PARD3: variants seen among roughly 807,000 people sequenced by gnomAD.
PARD3 encodes partitioning defective 3 homolog.
A neutral mutation model predicts 155.4 loss-of-function variants in PARD3; 75 were observed. That is an observed-to-expected ratio of 0.48 (90% confidence interval 0.40 to 0.58). The LOEUF (loss-of-function observed/expected upper bound fraction) is 0.58, where lower values mean the gene tolerates loss of function less well. PARD3 is among the 20% of genes least tolerant of loss of function. The pLI, the probability that PARD3 is intolerant of heterozygous loss-of-function variation, is 0.00. For missense variants in PARD3, 1,642 were observed against 1,721.7 expected (o/e 0.95, Z 0.82); for synonymous variants, 576 against 610.5 (o/e 0.94, Z 0.83).
chr10:34,662,991 A>C (rs932323984), intron 2 of PARD3, among the ~76,000 whole-genome samples: 1 of 152,146 alleles, frequency 6.6e-6, no homozygotes, highest in African/African-American at 2.4e-5. Context: ...AAAACAACTG[A>C]AATCATGGAA....
chr10:34,322,422 G>A (rs1305831090), intron 19 of PARD3, among the ~76,000 whole-genome samples: 2 of 152,162 alleles, frequency 1.3e-5, no homozygotes, highest in Admixed American at 6.5e-5. Context: ...CTTATTGTTT[G>A]AGTTGGTCTG....
intron 2 of PARD3, among the ~76,000 whole-genome samples, chr10:34,636,077 GGA>G: frequency 6.6e-6 from 1 of 151,746 alleles, no homozygotes. Context: ...AAGGAAGGAA[GGA>G]AGAAGGAAGA....
At chr10:34,350,566 G>A (rs1466176831) in intron 14 of PARD3, among the ~76,000 whole-genome samples, 1 of 148,296 alleles carries the variant, frequency 6.7e-6, no homozygotes, top group Non-Finnish European at 1.5e-5. Flanking sequence ...CCAGGAGGCA[G>A]AGGTTGCAGT....
At chr10:34,255,599 G>A (rs1021747217) in intron 22 of PARD3, among the ~76,000 whole-genome samples, 4 of 152,150 alleles carry the variant, frequency 2.6e-5, no homozygotes, top group African/African-American at 9.7e-5. Context: ...TCTGTTAGGT[G>A]GTTGTCATGC....
chr10:34,701,361 T>TGTTGTG (rs1832351061), intron 1 of PARD3, among the ~76,000 whole-genome samples: 1 of 151,668 alleles, frequency 6.6e-6, no homozygotes, highest in Non-Finnish European at 1.5e-5. Flanking sequence ...TTGTTGTTGT[T>TGTTGTG]GTTGTTGTTG....
chr10:34,361,634 A>C (rs1205935655), intron 12 of PARD3, among the ~76,000 whole-genome samples: 1 of 152,242 alleles, frequency 6.6e-6, no homozygotes, highest in Non-Finnish European at 1.5e-5. Flanking sequence ...ACTATCTGTA[A>C]GTGAATTTTT....
chr10:34,654,823 A>G (rs919501224), intron 2 of PARD3, among the ~76,000 whole-genome samples: 7 of 152,170 alleles, frequency 4.6e-5, no homozygotes, highest in African/African-American at 1.7e-4. Context: ...ATCAATGTCC[A>G]AAACAATTTT....
chr10:34,790,949 G>C (rs535652789), intron 1 of PARD3, among the ~76,000 whole-genome samples: 1 of 152,212 alleles, frequency 6.6e-6, no homozygotes, highest in East Asian at 1.9e-4. Flanking sequence ...ACAGGGAAGC[G>C]CATGCGTGGC....
In PARD3 at chr10:34,755,337, G is replaced by A. The variant is rs548688535; in HGVS notation, c.121-58918C>T. Among the ~76,000 whole-genome samples the A allele has an allele frequency of 3.3e-5, 5 of 152,172 alleles. No individual in the cohort carries two copies. The East Asian group carries it at 7.7e-4, about 24-fold the overall frequency. On this transcript the variant is annotated intron_variant, in intron 1 of 24. Coordinates refer to ENST00000374788, the MANE Select transcript of PARD3 (RefSeq NM_001184785.2). Reference sequence around the variant, plus strand: ...TGAGGCAGGAAAATCGCTTGAGCCAGGGAAGCAGAGGTTGCAGTGAGCTGA... The same window carrying A: ...TGAGGCAGGAAAATCGCTTGAGCCAAGGAAGCAGAGGTTGCAGTGAGCTGA...
intron 1 of PARD3, among the ~76,000 whole-genome samples, chr10:34,781,318 G>A (rs1734421529): frequency 6.6e-6 from 1 of 152,218 alleles, no homozygotes; most frequent in African/African-American, 2.4e-5. Flanking sequence ...GTCCTTGGAA[G>A]AGCTGGGTGC....
At position 34,530,015 on chromosome 10, in the gene PARD3, C is replaced by T. The variant is rs184591490; in HGVS notation, c.223-12856G>A. ...CTCCCAAAGTGCTGGGATTATAGGCCTAAGCCACCATGCCTGGCAGAAAAT... is the reference window on the plus strand; with the variant it reads ...CTCCCAAAGTGCTGGGATTATAGGCTTAAGCCACCATGCCTGGCAGAAAAT... On this transcript the variant is annotated intron_variant, in intron 2 of 24. Transcript: ENST00000374788. Among the ~76,000 whole-genome samples, 20 of 152,136 alleles carry T rather than the reference C, an allele frequency of 1.3e-4. No individual in the cohort carries two copies. The East Asian group carries it at 3.9e-3, about 29-fold the overall frequency.
intron 2 of PARD3, among the ~76,000 whole-genome samples, chr10:34,529,781 T>G (rs1336080444): frequency 2.0e-5 from 3 of 152,084 alleles, no homozygotes; most frequent in African/African-American, 7.2e-5. Flanking sequence ...TCACCCAGGC[T>G]GGAGTGCAGT....
chr10:34,676,787 A>G (rs2093715979), intron 2 of PARD3, among the ~76,000 whole-genome samples: 1 of 152,198 alleles, frequency 6.6e-6, no homozygotes, highest in Admixed American at 6.5e-5. Flanking sequence ...GGCAAATACC[A>G]ACACTTAGGC....
chr10:34,708,407 GAATGAT>G (rs1193281537), intron 1 of PARD3, among the ~76,000 whole-genome samples: 2 of 152,160 alleles, frequency 1.3e-5, no homozygotes, highest in Admixed American at 1.3e-4. Context: ...TTAGGTAATG[GAATGAT>G]ACATTGGTAA....
chr10:34,805,972 G>A (rs1043681622), intron 1 of PARD3, among the ~76,000 whole-genome samples: 4 of 150,952 alleles, frequency 2.6e-5, no homozygotes, highest in East Asian at 2.0e-4. Context: ...GCGAGACTCC[G>A]TCTCAAAAAG....
At chr10:34,264,949 C>T (rs1955223236) in intron 22 of PARD3, among the ~76,000 whole-genome samples, 1 of 152,168 alleles carries the variant, frequency 6.6e-6, no homozygotes, top group South Asian at 2.1e-4. Flanking sequence ...CGGGGTCTCA[C>T]TTTGTTGCCT....
chr10:34,768,570 T>C (rs886114286), intron 1 of PARD3, among the ~76,000 whole-genome samples: 1 of 152,246 alleles, frequency 6.6e-6, no homozygotes, highest in Non-Finnish European at 1.5e-5. Flanking sequence ...TTGAATAGAA[T>C]GGGCGGCAGG....
At chr10:34,260,859 A>T (rs577015745) in intron 22 of PARD3, among the ~76,000 whole-genome samples, 32 of 152,344 alleles carry the variant, frequency 2.1e-4, no homozygotes, top group Admixed American at 7.2e-4. Flanking sequence ...AAGTGCCTAT[A>T]TCTAAGAAAA....
intron 2 of PARD3, among the ~76,000 whole-genome samples, chr10:34,558,707 G>C (rs535982722): frequency 6.6e-6 from 1 of 152,314 alleles, no homozygotes; most frequent in South Asian, 2.1e-4. Context: ...GAGGTGGGCA[G>C]ATCACTTGAG....
Sources: allele counts gnomAD v4.1 joint callset (sites outside exome capture counted in the v4.1 genomes callset), GRCh38; gene constraint gnomAD v4.1.1; transcripts MANE v1.5; gene names NCBI Gene and HGNC (gene_info 2026-07-23, HGNC 2026-07-21).